MAMDC2: variants seen among roughly 807,000 people sequenced by gnomAD.
MAMDC2 encodes the protein MAM domain containing 2.
In MAMDC2, 57 loss-of-function variants were observed where a neutral mutation model predicts 89.8. That is an observed-to-expected ratio of 0.63 (90% CI 0.51 to 0.79). The LOEUF (loss-of-function observed/expected upper bound fraction) is 0.79. Among genes scored for constraint, MAMDC2 ranks in the 30% least tolerant of loss-of-function variants. The pLI is 0.00. For missense variants in MAMDC2, 800 were observed against 820.6 expected, an observed-to-expected ratio of 0.97 and a Z score of 0.31; for synonymous variants, 313 against 293.4, an observed-to-expected ratio of 1.07 and a Z score of -0.68.
At chr9:70,190,162 A>C (rs776085285) in intron 11 of MAMDC2, among the ~76,000 whole-genome samples, 50 of 152,132 alleles carry the variant, frequency 3.3e-4, no homozygotes, top group Non-Finnish European at 6.3e-4. Flanking sequence ...TGTGTGTCTC[A>C]TAATTTTTGC....
chr9:70,133,457 C>G (rs2030883331), intron 7 of MAMDC2, among the ~76,000 whole-genome samples: 2 of 152,238 alleles, frequency 1.3e-5, no homozygotes, highest in Non-Finnish European at 2.9e-5. Flanking sequence ...AGCACAGACT[C>G]CTTCTGTGCA....
chr9:70,154,806 T>G (rs1314782934), intron 9 of MAMDC2, among the ~76,000 whole-genome samples: 1 of 152,058 alleles, frequency 6.6e-6, no homozygotes, highest in Admixed American at 6.6e-5. Flanking sequence ...GCCACCGTGC[T>G]TGGCTTGTTT....
At chr9:70,048,154 T>C (rs1826802736) in intron 2 of MAMDC2, among the ~76,000 whole-genome samples, 1 of 152,212 alleles carries the variant, frequency 6.6e-6, no homozygotes, top group Non-Finnish European at 1.5e-5. Flanking sequence ...ATTCTTTTTG[T>C]AGAATATTTT....
rs567562357 is a variant in MAMDC2, at chr9:70,072,664, A to G, written c.148+27967A>G. 9.2e-5 allele frequency among the ~76,000 whole-genome samples: 14 copies of G among 152,242 alleles called. No homozygotes were observed. The South Asian group carries it at 2.9e-3, about 32-fold the overall frequency. On this transcript the variant is annotated intron_variant, in intron 2 of 13. Coordinates refer to ENST00000377182, the MANE Select transcript of MAMDC2 (RefSeq NM_153267.5). ...CCCAGGCTATATTGAGTTGAATTTG[A>G]ATCTAGGGAGTGTGGATTCTTCACC...
intron 5 of MAMDC2, among the ~76,000 whole-genome samples, chr9:70,121,985 T>C (rs2030306587): frequency 6.6e-6 from 1 of 152,204 alleles, no homozygotes; most frequent in Non-Finnish European, 1.5e-5. Flanking sequence ...TCCTCCAGCC[T>C]CTTCTCCTGG....
At chr9:70,052,433 C>T (rs1241403205) in intron 2 of MAMDC2, among the ~76,000 whole-genome samples, 1 of 152,168 alleles carries the variant, frequency 6.6e-6, no homozygotes, top group Admixed American at 6.5e-5. Flanking sequence ...TTCTATTCTC[C>T]TGTCCCATGC....
At chr9:70,196,717 A>T (rs910735585) in intron 11 of MAMDC2, among the ~76,000 whole-genome samples, 43 of 152,128 alleles carry the variant, frequency 2.8e-4, no homozygotes, top group Non-Finnish European at 5.9e-4. Context: ...TAAAACCTGC[A>T]TTCATAAAAG....
In MAMDC2 at chr9:70,044,780, T is replaced by C. The variant is rs769142041; in HGVS notation, c.148+83T>C. 9.3e-5 allele frequency: 92 copies of C among 993,452 alleles called. 1 individual carries two copies. In the Middle Eastern group the frequency reaches 4.5e-3, roughly 49 times the overall value. The allele number at this position is 993,452 out of a possible 1,614,324, so 61.5% of individuals were successfully genotyped here. ...TTTTTTTCCCACATGGGTAATGTTA[T>C]CTTGGAGTTAATTCTCCGCGGCAAG... is the stretch of plus-strand genomic sequence containing the variant. On this transcript the variant is annotated intron_variant, in intron 2 of 13. Coordinates refer to ENST00000377182, the MANE Select transcript of MAMDC2 (RefSeq NM_153267.5).
chr9:70,107,464 T>C (rs1429887829), intron 2 of MAMDC2, among the ~76,000 whole-genome samples: 1 of 151,820 alleles, frequency 6.6e-6, no homozygotes, highest in African/African-American at 2.4e-5. Context: ...GAAGTGAGGA[T>C]AGAGGAGAAG....
intron 11 of MAMDC2, among the ~76,000 whole-genome samples, chr9:70,192,312 T>A (rs968656333): frequency 6.6e-6 from 1 of 152,114 alleles, no homozygotes; most frequent in African/African-American, 2.4e-5. Flanking sequence ...ATGTCTTTGG[T>A]ATTTTATTTT....
intron 9 of MAMDC2, among the ~76,000 whole-genome samples, chr9:70,149,398 C>T (rs973048476): frequency 1.3e-5 from 2 of 151,974 alleles, no homozygotes; most frequent in Admixed American, 6.6e-5. Flanking sequence ...GGGAAGCTGT[C>T]GGGCTGCAGT....
intron 2 of MAMDC2, among the ~76,000 whole-genome samples, chr9:70,055,920 T>C (rs1273706249): frequency 1.3e-5 from 2 of 152,226 alleles, no homozygotes; most frequent in Admixed American, 6.5e-5. Context: ...TGCAAGCTGG[T>C]TGCCCTTCTA....
At chr9:70,085,012 A>G (rs1431666007) in intron 2 of MAMDC2, among the ~76,000 whole-genome samples, 1 of 152,054 alleles carries the variant, frequency 6.6e-6, no homozygotes, top group Admixed American at 6.6e-5. Context: ...AATTTACTAT[A>G]TCACACTTCC....
rs753411697 is a variant in MAMDC2, at chr9:70,140,198, A to G, written c.1048A>G (p.Asn350Asp). 1.9e-5 allele frequency: 30 copies of G among 1,595,994 alleles called. No individual in the cohort carries two copies. In the South Asian group the frequency reaches 2.3e-4, roughly 12 times the overall value. ...ASCNFEQDLC[N>D]FYQDKEGPGW... ...CTGCAATTTTGAGCAAGATCTCTGC[A>G]ACTTTTACCAAGATAAAGAAGGTCC... is the stretch of plus-strand genomic sequence containing the variant. Residue 350 changes from asparagine to aspartate, a missense_variant, in exon 8 of 14, where the codon AAC becomes GAC. Coordinates refer to ENST00000377182, the MANE Select transcript of MAMDC2 (RefSeq NM_153267.5).
intron 2 of MAMDC2, among the ~76,000 whole-genome samples, chr9:70,100,012 G>GAGAGAA (rs1828134903): frequency 6.8e-6 from 1 of 147,908 alleles, no homozygotes; most frequent in Non-Finnish European, 1.5e-5. Flanking sequence ...GAGAGAGAGA[G>GAGAGAA]AGAGAGAGAG....
intron 2 of MAMDC2, 131 bp from the exon 3 acceptor site, chr9:70,108,080 G>T: frequency 1.2e-6 from 1 of 860,648 alleles, no homozygotes; most frequent in Non-Finnish European, 1.7e-6. Context: ...CAGTGTTCAG[G>T]CAACTTTCAG....
intron 11 of MAMDC2, among the ~76,000 whole-genome samples, chr9:70,191,021 A>G (rs987373775): frequency 2.0e-5 from 3 of 152,134 alleles, no homozygotes; most frequent in Non-Finnish European, 4.4e-5. Flanking sequence ...TTTGTAGAGT[A>G]TAAGAGATGG....
chr9:70,060,622 A>C (rs1486575219), intron 2 of MAMDC2: 1 of 152,176 alleles, frequency 6.6e-6, no homozygotes, highest in African/African-American at 2.4e-5. Flanking sequence ...CCTGCAGCAA[A>C]GAAAAGATAT....
At chr9:70,064,156 CAT>C (rs1016045755) in intron 2 of MAMDC2, among the ~76,000 whole-genome samples, 1 of 151,710 alleles carries the variant, frequency 6.6e-6, no homozygotes, top group African/African-American at 2.4e-5. Context: ...AATATAAGGA[CAT>C]ATGAATTTTT....
Sources: allele counts gnomAD v4.1 joint callset (sites outside exome capture counted in the v4.1 genomes callset), GRCh38; gene constraint gnomAD v4.1.1; transcripts MANE v1.5; gene names NCBI Gene and HGNC (gene_info 2026-07-23, HGNC 2026-07-21).